The following TTLL5 variants were observed in gnomAD, a reference collection of about 807,000 sequenced individuals.
TTLL5 encodes the protein tubulin tyrosine ligase like 5, also known as tubulin polyglutamylase TTLL5.
A neutral mutation model predicts 168.4 loss-of-function variants in TTLL5; 132 were observed. That is an observed-to-expected ratio of 0.78 (90% CI 0.68 to 0.91). TTLL5 has a LOEUF of 0.91. Among genes scored for constraint, TTLL5 ranks in the 40% least tolerant of loss-of-function variants. TTLL5 has a pLI of 0.00. For missense variants in TTLL5, 1,545 were observed against 1,581.5 expected (o/e 0.98, Z 0.39); for synonymous variants, 546 against 558.6 (o/e 0.98, Z 0.32).
intron 27 of TTLL5, among the ~76,000 whole-genome samples, chr14:75,808,183 C>A (rs962162449): frequency 6.6e-6 from 1 of 152,130 alleles, no homozygotes; most frequent in African/African-American, 2.4e-5. Context: ...AAATCTTGAT[C>A]TGGAACTCTG....
At chr14:75,803,840 A>T (rs906027071) in intron 27 of TTLL5, among the ~76,000 whole-genome samples, 2 of 152,270 alleles carry the variant, frequency 1.3e-5, no homozygotes, top group Non-Finnish European at 1.5e-5. Flanking sequence ...GCCATTAGTG[A>T]ACAGAAGAAT....
chr14:75,928,359 A>ATATATATATATG (rs1477043790), intron 31 of TTLL5, among the ~76,000 whole-genome samples: 2 of 134,546 alleles, frequency 1.5e-5, no homozygotes, highest in Non-Finnish European at 3.1e-5. Context: ...ATATATATAT[A>ATATATATATATG]TATATATATC....
At chr14:75,796,152 T>C (rs915926142) in intron 27 of TTLL5, among the ~76,000 whole-genome samples, 1 of 152,228 alleles carries the variant, frequency 6.6e-6, no homozygotes, top group Non-Finnish European at 1.5e-5. Context: ...TATTGCATTG[T>C]GGTTTTGATT....
intron 9 of TTLL5, among the ~76,000 whole-genome samples, chr14:75,715,895 A>G (rs1594915948): frequency 6.6e-6 from 1 of 151,962 alleles, no homozygotes; most frequent in South Asian, 2.1e-4. Flanking sequence ...CTCACCACAG[A>G]CTTTTGTCAG....
chr14:75,874,137 G>A (rs1046550426), intron 29 of TTLL5, among the ~76,000 whole-genome samples: 24 of 151,770 alleles, frequency 1.6e-4, no homozygotes, highest in African/African-American at 5.8e-4. Flanking sequence ...TATTGCCCAG[G>A]CTGGGGTGCA....
intron 29 of TTLL5, among the ~76,000 whole-genome samples, chr14:75,867,242 C>T (rs1489720852): frequency 1.3e-5 from 2 of 152,108 alleles, no homozygotes; most frequent in Non-Finnish European, 2.9e-5. Flanking sequence ...CTGGATTTGG[C>T]CTATAGGTCC....
intron 3 of TTLL5, among the ~76,000 whole-genome samples, chr14:75,674,330 C>G (rs146099701): frequency 6.6e-6 from 1 of 152,166 alleles, no homozygotes; most frequent in Non-Finnish European, 1.5e-5. Flanking sequence ...TAAATACTCT[C>G]AATCTGCAAC....
chr14:75,761,710 A>G (rs1363684717), intron 18 of TTLL5, among the ~76,000 whole-genome samples: 1 of 152,222 alleles, frequency 6.6e-6, no homozygotes, highest in African/African-American at 2.4e-5. Flanking sequence ...AGGAGTGGGA[A>G]GGGGCATGAG....
At chr14:75,766,834 A>G (rs189214152) in intron 20 of TTLL5, among the ~76,000 whole-genome samples, 1,889 of 152,212 alleles carry the variant, frequency 0.012, 15 homozygotes, top group South Asian at 0.025. Context: ...TTGGGAAGTG[A>G]TGGTTAAATG....
chr14:75,709,856 GAC>G (rs1886940250), intron 9 of TTLL5: 2 of 68,338 alleles, frequency 2.9e-5, no homozygotes, highest in African/African-American at 1.1e-4. Flanking sequence ...AAAAAAAAAA[GAC>G]CAAGAAAAAG....
intron 13 of TTLL5, among the ~76,000 whole-genome samples, chr14:75,733,619 G>A (rs1285051460): frequency 2.0e-5 from 3 of 152,062 alleles, no homozygotes; most frequent in Non-Finnish European, 4.4e-5. Flanking sequence ...TTTGAATGGT[G>A]GTGGACATAC....
At position 75,847,148 on chromosome 14, in the gene TTLL5, CCCA is replaced by C. The variant is rs200221702; in HGVS notation, c.3327-16511_3327-16509del. On this transcript the variant is annotated intron_variant, in intron 28 of 31. Coordinates refer to ENST00000298832, the MANE Select transcript of TTLL5 (RefSeq NM_015072.5). ...TCCCAAGTAGCTGGGATTATAGGTG[CCCA>C]CCACCACACCTGGCTAATTTTTGTG... is the stretch of plus-strand genomic sequence containing the variant. Among the ~76,000 whole-genome samples the C allele has an allele frequency of 1.3e-4, 19 of 152,000 alleles. No homozygotes were observed. The East Asian group carries it at 2.3e-3, about 19-fold the overall frequency.
intron 31 of TTLL5, among the ~76,000 whole-genome samples, chr14:75,941,154 A>G (rs1400520982): frequency 6.6e-6 from 1 of 152,234 alleles, no homozygotes; most frequent in Non-Finnish European, 1.5e-5. Context: ...CCCATGTCCC[A>G]TGTGGCTGCA....
rs114408425 is a variant in TTLL5, at chr14:75,905,463, T to C, written c.3823+3239T>C. 5.9e-3 allele frequency among the ~76,000 whole-genome samples: 902 copies of C among 152,312 alleles called. 10 individuals are homozygous for C. Among genetic ancestry groups the C allele is most frequent in the African/African-American group, 0.02 (839 of 41,558 alleles). ...AATGGCATTCTTGGTATTATGAACA[T>C]TAAATGAGATAGTGAATTGAAAGCT... On this transcript the variant is annotated intron_variant, in intron 31 of 31. Transcript: ENST00000298832.
chr14:75,829,764 AATG>A (rs2139802980), intron 28 of TTLL5, among the ~76,000 whole-genome samples: 1 of 152,298 alleles, frequency 6.6e-6, no homozygotes, highest in East Asian at 1.9e-4. Context: ...AAAAGAAGAT[AATG>A]TGCAAGATAT....
intron 29 of TTLL5, among the ~76,000 whole-genome samples, chr14:75,865,505 A>C (rs192166383): frequency 6.6e-6 from 1 of 152,026 alleles, no homozygotes. Flanking sequence ...AAACCTGAGC[A>C]TGCACCCCTG....
chr14:75,898,632 A>G (rs2032782640), intron 30 of TTLL5, among the ~76,000 whole-genome samples: 1 of 152,180 alleles, frequency 6.6e-6, no homozygotes, highest in African/African-American at 2.4e-5. Flanking sequence ...ACAGAGTAAG[A>G]CCCTGTCTCA....
At chr14:75,706,061 G>A (rs151289725) in intron 7 of TTLL5, among the ~76,000 whole-genome samples, 1,923 of 152,020 alleles carry the variant, frequency 0.013, 17 homozygotes, top group South Asian at 0.035. Context: ...TCTGTGAATC[G>A]GCCCACCCTC....
intron 17 of TTLL5, among the ~76,000 whole-genome samples, chr14:75,750,752 T>C (rs932212453): frequency 2.0e-5 from 3 of 151,896 alleles, no homozygotes; most frequent in African/African-American, 7.3e-5. Context: ...TTTTACTATA[T>C]ATGTACCCAT....
Sources: allele counts gnomAD v4.1 joint callset (sites outside exome capture counted in the v4.1 genomes callset), GRCh38; gene constraint gnomAD v4.1.1; transcripts MANE v1.5; gene names NCBI Gene and HGNC (gene_info 2026-07-23, HGNC 2026-07-21).